Variants in C4BPA observed in about 807,000 individuals in gnomAD.
C4BPA encodes the protein C4b-binding protein alpha chain.
A neutral mutation model predicts 63.7 loss-of-function variants in C4BPA; 31 were observed. The observed-to-expected ratio is 0.49, with a 90% CI of 0.37 to 0.66. The LOEUF (loss-of-function observed/expected upper bound fraction) is 0.66. Ranked by LOEUF, C4BPA falls within the 30% of genes least tolerant of loss-of-function variation. C4BPA has a pLI of 0.00. For synonymous variants in C4BPA, 259 were observed against 254.7 expected, an observed-to-expected ratio of 1.02 and a Z score of -0.16; for missense variants, 572 against 723.3, an observed-to-expected ratio of 0.79 and a Z score of 2.40.
In C4BPA at chr1:207,141,287, C is replaced by T; in HGVS notation, c.1444+11C>T. The T allele has an allele frequency of 6.2e-7, 1 of 1,607,880 alleles. No homozygotes were observed. Among genetic ancestry groups the T allele is most frequent in the Non-Finnish European group, 8.5e-7 (1 of 1,177,302 alleles). On this transcript the variant is annotated intron_variant, in intron 10 of 11. Transcript: ENST00000367070. ...CCCCTCAATGTAAAGGTAACTCCAG[C>T]TTCCTTTTCAGCTCAAGATTAAGTG...
rs748541322 is a variant in C4BPA at position 207,141,164 on chromosome 1, C to T, written c.1332C>T (p.Ser444=). 7 of 1,613,594 alleles carry T rather than the reference C, an allele frequency of 4.3e-6. No homozygotes were observed. In the Admixed American group the frequency reaches 5.0e-5, roughly 12 times the overall value. Reference sequence around the variant, plus strand: ...ATTATAAACAATCTAGTTCATACAGCTTTTTCAAAGAAGAGATTATATATG... The same window carrying T: ...ATTATAAACAATCTAGTTCATACAGTTTTTTCAAAGAAGAGATTATATATG... ...HGHYKQSSSY[S]FFKEEIIYEC... is the part of the protein sequence containing the mutation. The change falls in exon 10 of 12, where the codon AGC becomes AGT. Residue 444 remains serine, a synonymous_variant. Transcript: ENST00000367070.
intron 1 of C4BPA, among the ~76,000 whole-genome samples, chr1:207,106,114 C>G (rs905689197): frequency 6.6e-6 from 1 of 152,148 alleles, no homozygotes; most frequent in African/African-American, 2.4e-5. Flanking sequence ...TGCTGGAACT[C>G]CAACTTGTGT....
chr1:207,114,899 A>T (rs2842701), intron 3 of C4BPA: 1 of 153,266 alleles, frequency 6.5e-6, no homozygotes. Context: ...TTAAAAAATT[A>T]TAAAAAAGGT....
In C4BPA at chr1:207,118,133, ATCTGTCTGTCTG is replaced by A. The variant is rs60535065; in HGVS notation, c.428+2642_428+2653del. 9.7e-3 allele frequency among the ~76,000 whole-genome samples: 962 copies of A among 98,682 alleles called. 15 individuals are homozygous for A. Among genetic ancestry groups the A allele is most frequent in the African/African-American group, 0.027 (919 of 34,232 alleles). The allele number at this position is 98,682 out of a possible 152,430, so 64.7% of individuals were successfully genotyped here. A position where few individuals can be genotyped will look rare whatever the true frequency, so the allele number is the denominator to read the frequency against. On this transcript the variant is annotated intron_variant, in intron 4 of 11. Transcript: ENST00000367070. ...TTTATCTATCATCTATCTATCATCT[ATCTGTCTGTCTG>A]TCTGTCTGTCTGTCTGTCTGTCTAT...
At position 207,119,825 on chromosome 1, in the gene C4BPA, TGGTTGTAG is replaced by T. The variant is rs1381032052; in HGVS notation, c.429-4096_429-4089del. ...GTCCTTGTTTATGCAACTGGTCATG[TGGTTGTAG>T]CAGATATTTATAACGATGTTTCTGT... is the stretch of plus-strand genomic sequence containing the variant. On this transcript the variant is annotated intron_variant, in intron 4 of 11. Coordinates refer to ENST00000367070, the MANE Select transcript of C4BPA (RefSeq NM_000715.4). Among the ~76,000 whole-genome samples the T allele has an allele frequency of 4.8e-4, 14 of 29,166 alleles. 2 individuals carry two copies. Among genetic ancestry groups the T allele is most frequent in the Non-Finnish European group, 1.3e-3 (10 of 7,918 alleles). 19.1% of individuals were successfully genotyped at this position (29,166 alleles called of 152,430 possible).
chr1:207,143,693 T>C, intron 10 of C4BPA, 125 bp from the exon 11 acceptor site: 1 of 704,424 alleles, frequency 1.4e-6, no homozygotes, highest in Non-Finnish European at 2.3e-6. Context: ...TATGAATGTT[T>C]TCAAATGAAG....
At chr1:207,106,465 A>G (rs1226971346) in intron 1 of C4BPA, among the ~76,000 whole-genome samples, 1 of 97,292 alleles carries the variant, frequency 1.0e-5, no homozygotes, top group Non-Finnish European at 1.8e-5. Context: ...TTTGAAACGG[A>G]GTCTCGCTTT....
chr1:207,132,895 C>A (rs1685192117), intron 8 of C4BPA, among the ~76,000 whole-genome samples: 1 of 152,020 alleles, frequency 6.6e-6, no homozygotes, highest in Non-Finnish European at 1.5e-5. Context: ...TGTGGTGGCA[C>A]ACGTCTGTAA....
Position 207,124,155 on chromosome 1 carries a change from T to C in C4BPA, c.515-20T>C. On this transcript the variant is annotated intron_variant, in intron 5 of 11. Coordinates refer to ENST00000367070, the MANE Select transcript of C4BPA (RefSeq NM_000715.4). ...GATGCCTTCGCTGAGTATTTCTTTC[T>C]CTTCACTCACTTACCTCAGTTGTCA... 6.2e-7 allele frequency: 1 copy of C among 1,606,070 alleles called. No individual in the cohort carries two copies. Among genetic ancestry groups the C allele is most frequent in the Non-Finnish European group, 8.5e-7 (1 of 1,173,526 alleles).
chr1:207,125,360 T>A (rs2102341662), intron 6 of C4BPA, among the ~76,000 whole-genome samples: 1 of 152,350 alleles, frequency 6.6e-6, no homozygotes. Context: ...AAGATAACTC[T>A]GGCTGTGGGA....
intron 1 of C4BPA, among the ~76,000 whole-genome samples, chr1:207,111,166 A>T (rs1684660346): frequency 6.6e-6 from 1 of 152,184 alleles, no homozygotes; most frequent in Admixed American, 6.5e-5. Flanking sequence ...CCAGCTTCAC[A>T]AGATTGTGAG....
intron 8 of C4BPA, among the ~76,000 whole-genome samples, chr1:207,132,366 C>T (rs1255569104): frequency 2.0e-5 from 3 of 152,196 alleles, no homozygotes; most frequent in Non-Finnish European, 4.4e-5. Flanking sequence ...TTATGAGCCT[C>T]AGTGGAACAG....
At chr1:207,118,652 A>G (rs140283073) in intron 4 of C4BPA, among the ~76,000 whole-genome samples, 24 of 152,302 alleles carry the variant, frequency 1.6e-4, no homozygotes, top group African/African-American at 4.8e-4. Context: ...CTACAATTCA[A>G]TATGAGTTTT....
intron 1 of C4BPA, chr1:207,112,764 C>A: frequency 2.3e-6 from 1 of 429,732 alleles, no homozygotes; most frequent in Non-Finnish European, 4.1e-6. Context: ...GCAGTCTCCT[C>A]TGCAAAGCCC....
intron 7 of C4BPA, among the ~76,000 whole-genome samples, chr1:207,131,314 C>T (rs530348104): frequency 1.3e-5 from 2 of 152,332 alleles, no homozygotes; most frequent in Admixed American, 6.5e-5. Context: ...ATACTTGGCA[C>T]AGCACATGGA....
chr1:207,120,333 C>T (rs1244000144), intron 4 of C4BPA, among the ~76,000 whole-genome samples: 1 of 152,136 alleles, frequency 6.6e-6, no homozygotes, highest in African/African-American at 2.4e-5. Context: ...CACACTTAAA[C>T]TAAAAAAAGT....
intron 4 of C4BPA, 37 bp from the exon 5 acceptor site, chr1:207,123,885 A>C: frequency 1.7e-6 from 2 of 1,164,734 alleles, no homozygotes; most frequent in Non-Finnish European, 2.6e-6. Context: ...TTAGGGTAGG[A>C]GGAATTCCAT....
At chr1:207,142,763 T>G (rs1471411555) in intron 10 of C4BPA, among the ~76,000 whole-genome samples, 1 of 152,200 alleles carries the variant, frequency 6.6e-6, no homozygotes, top group Non-Finnish European at 1.5e-5. Context: ...ATCAAAACTG[T>G]GAGTGACAGT....
rs1465677382 is a variant in C4BPA, at chr1:207,144,683, G to A, written c.1760G>A (p.Ser587Asn). 2.5e-6 allele frequency: 4 copies of A among 1,610,494 alleles called. No homozygotes were observed. Among genetic ancestry groups the A allele is most frequent in the Non-Finnish European group, 3.4e-6 (4 of 1,178,792 alleles). ...GAACAACTGGAACTACAGAGAGACA[G>A]CGCAAGACAATCCACTTTGGATAAA... ...EIEQLELQRD[S>N]ARQSTLDKEL Residue 587 changes from serine (S) to asparagine (N), a missense_variant, in exon 12 of 12, where the codon AGC (serine) becomes AAC (asparagine). Physicochemically the swap from Ser to Asn is conservative, Grantham distance 46 (BLOSUM62 1). This residue lies in a region of C4BPA where 465 missense variants were observed against 629.4 expected (regional missense o/e 0.74). Coordinates refer to ENST00000367070, the MANE Select transcript of C4BPA (RefSeq NM_000715.4).
Sources: allele counts gnomAD v4.1 joint callset (sites outside exome capture counted in the v4.1 genomes callset), GRCh38; gene constraint gnomAD v4.1.1; regional missense constraint gnomAD v4.1.1; transcripts MANE v1.5; gene names NCBI Gene and HGNC (gene_info 2026-07-23, HGNC 2026-07-21).